Variants in APP observed in about 807,000 individuals in gnomAD.
APP encodes the protein amyloid beta precursor protein.
In APP, 31 loss-of-function variants were observed where a neutral mutation model predicts 101.4. The ratio of observed to expected loss-of-function variants is 0.31; its 90% CI spans 0.23 to 0.41. The LOEUF is 0.41. Among genes scored for constraint, APP ranks in the 10% least tolerant of loss-of-function variants. The probability of loss-of-function intolerance (pLI) is 1.00; values close to 1 mark genes in which losing one functional copy is unlikely to be tolerated. For synonymous variants in APP, 366 were observed against 364.4 expected, an observed-to-expected ratio of 1.00 and a Z score of -0.05; for missense variants, 839 against 1,003.7, an observed-to-expected ratio of 0.84 and a Z score of 2.22.
chr21:25,926,564 C>A (rs1455719382), intron 13 of APP, among the ~76,000 whole-genome samples: 1 of 152,134 alleles, frequency 6.6e-6, no homozygotes, highest in South Asian at 2.1e-4. Context: ...GATCACTACT[C>A]CCACTGACAG....
rs867086186 is a variant in APP at position 26,010,229 on chromosome 21, C to A, written c.866-10047G>T. Among the ~76,000 whole-genome samples, 1,242 of 143,158 alleles carry A rather than the reference C, an allele frequency of 8.7e-3. 16 individuals carry two copies. The highest frequency in any genetic ancestry group is 0.026 in the African/African-American group (1,004 of 39,064). 93.9% of individuals were successfully genotyped at this position (143,158 alleles called of 152,430 possible). On this transcript the variant is annotated intron_variant, in intron 6 of 17. Transcript: ENST00000346798. ...CCTTTTGAACAAAAAAAAAAAAAAACAAAACAAAACTAGGAAAGCAGTTTA... is the reference window on the plus strand; with the variant it reads ...CCTTTTGAACAAAAAAAAAAAAAAAAAAAACAAAACTAGGAAAGCAGTTTA...
chr21:25,959,701 TG>T (rs1196981261), intron 11 of APP, among the ~76,000 whole-genome samples: 2 of 152,206 alleles, frequency 1.3e-5, no homozygotes, highest in African/African-American at 4.8e-5. Context: ...AGCTAATGTG[TG>T]GGGAGAAGAA....
At chr21:26,147,743 GGT>G (rs1033315712) in intron 1 of APP, among the ~76,000 whole-genome samples, 1 of 151,864 alleles carries the variant, frequency 6.6e-6, no homozygotes, top group Non-Finnish European at 1.5e-5. Flanking sequence ...ACAGGATGTG[GGT>G]GTGATAGGAT....
intron 2 of APP, among the ~76,000 whole-genome samples, chr21:26,105,068 CAAA>C (rs10579923): frequency 0.095 from 10,453 of 110,454 alleles, 324 homozygotes; most frequent in Admixed American, 0.14. Flanking sequence ...GCATTTTTTT[CAAA>C]AAAAAAAAAA....
At position 26,079,583 on chromosome 21, in the gene APP, G is replaced by A. The variant is rs549798641; in HGVS notation, c.355+10360C>T. 2.6e-5 allele frequency among the ~76,000 whole-genome samples: 4 copies of A among 152,236 alleles called. No homozygotes were observed. In the East Asian group the frequency reaches 5.8e-4, roughly 22 times the overall value. ...CAGAAATCCAGTGTTCAGCTGATACGTTATTAAATCTGACGGCATTTTTAT... is the reference window on the plus strand; with the variant it reads ...CAGAAATCCAGTGTTCAGCTGATACATTATTAAATCTGACGGCATTTTTAT... On this transcript the variant is annotated intron_variant, in intron 3 of 17. Coordinates refer to ENST00000346798, the MANE Select transcript of APP (RefSeq NM_000484.4).
chr21:25,945,714 T>C, intron 13 of APP: 1 of 329,178 alleles, frequency 3.0e-6, no homozygotes, highest in South Asian at 2.2e-5. Context: ...TCTTCCTTTT[T>C]TTGAGACAGG....
rs1173311167 is a variant in APP at position 25,881,038 on chromosome 21, A to G, written c.*632T>C. The G allele has an allele frequency of 6.5e-6, 1 of 152,796 alleles. No homozygotes were observed. The highest frequency in any genetic ancestry group is 2.4e-5 in the African/African-American group (1 of 41,420). 9.5% of individuals were successfully genotyped at this position (152,796 alleles called of 1,614,324 possible). ...AAAAAAAGAAAAGCTTGAAGTCTCAATGCCTAATGTGTGCACATAAAACAG... is the reference window on the plus strand; with the variant it reads ...AAAAAAAGAAAAGCTTGAAGTCTCAGTGCCTAATGTGTGCACATAAAACAG... On this transcript the variant is annotated 3_prime_UTR_variant, in exon 18 of 18. Coordinates refer to ENST00000346798, the MANE Select transcript of APP (RefSeq NM_000484.4).
At chr21:26,107,129 C>T (rs1236677975) in intron 2 of APP, among the ~76,000 whole-genome samples, 1 of 152,284 alleles carries the variant, frequency 6.6e-6, no homozygotes, top group East Asian at 1.9e-4. Flanking sequence ...ACGACTTACA[C>T]CCTTAAAATT....
At chr21:26,008,989 A>G (rs2043660885) in intron 6 of APP, among the ~76,000 whole-genome samples, 1 of 152,156 alleles carries the variant, frequency 6.6e-6, no homozygotes, top group Non-Finnish European at 1.5e-5. Context: ...AGTCAACACC[A>G]CCTGGGACTC....
intron 3 of APP, among the ~76,000 whole-genome samples, chr21:26,054,634 T>TG (rs1288397020): frequency 6.7e-5 from 9 of 133,378 alleles, no homozygotes; most frequent in South Asian, 2.4e-4. Flanking sequence ...TTTTTTTTTT[T>TG]TTTTTTTTTT....
intron 1 of APP, among the ~76,000 whole-genome samples, chr21:26,160,983 G>A (rs909323874): frequency 6.6e-6 from 1 of 152,110 alleles, no homozygotes. Flanking sequence ...TTATTTAAAA[G>A]GCTTTAATCT....
intron 13 of APP, among the ~76,000 whole-genome samples, chr21:25,919,948 A>G (rs1239325349): frequency 6.8e-5 from 8 of 117,298 alleles, no homozygotes; most frequent in Admixed American, 9.4e-5. Flanking sequence ...AGTTGAAATG[A>G]AGGAAAAAAT....
intron 1 of APP, among the ~76,000 whole-genome samples, chr21:26,116,096 G>A (rs1295023569): frequency 6.6e-6 from 1 of 152,142 alleles, no homozygotes; most frequent in Non-Finnish European, 1.5e-5. Flanking sequence ...AACTGGAGAT[G>A]CTTTCCCATG....
At chr21:25,921,531 T>A (rs953263661) in intron 13 of APP, among the ~76,000 whole-genome samples, 1 of 148,156 alleles carries the variant, frequency 6.7e-6, no homozygotes, top group Non-Finnish European at 1.5e-5. Flanking sequence ...CGATAAAAAA[T>A]GATAAAGGGG....
chr21:26,014,556 C>A (rs1374729129), intron 6 of APP, among the ~76,000 whole-genome samples: 1 of 152,194 alleles, frequency 6.6e-6, no homozygotes, highest in African/African-American at 2.4e-5. Context: ...CTTCTCCATG[C>A]TGCCAAAATT....
intron 5 of APP, among the ~76,000 whole-genome samples, chr21:26,039,245 T>C (rs1365169449): frequency 1.3e-5 from 2 of 152,318 alleles, no homozygotes; most frequent in African/African-American, 4.8e-5. Context: ...TCATGACTAC[T>C]AGCATTGAAA....
chr21:25,917,530 C>T (rs1367569830), intron 13 of APP, among the ~76,000 whole-genome samples: 1 of 151,974 alleles, frequency 6.6e-6, no homozygotes, highest in Non-Finnish European at 1.5e-5. Flanking sequence ...ATTATTAATC[C>T]ACTAGCCAAA....
intron 3 of APP, among the ~76,000 whole-genome samples, chr21:26,080,241 T>C (rs2061570083): frequency 6.6e-6 from 1 of 152,156 alleles, no homozygotes; most frequent in African/African-American, 2.4e-5. Flanking sequence ...CTTAATAATC[T>C]CAAAGTTTTG....
At chr21:25,983,481 A>T (rs1214341067) in intron 8 of APP, among the ~76,000 whole-genome samples, 2 of 152,230 alleles carry the variant, frequency 1.3e-5, no homozygotes, top group African/African-American at 2.4e-5. Context: ...GAGGACTTCA[A>T]TGAGAAGAAT....
Sources: gnomAD v4.1 joint callset for allele counts (sites outside exome capture counted in the v4.1 genomes callset) on GRCh38, gnomAD v4.1.1 for gene constraint, MANE v1.5 for transcripts, NCBI Gene and HGNC (gene_info 2026-07-23, HGNC 2026-07-21) for gene names.